The following GMDS variants were observed in gnomAD, a reference collection of about 807,000 sequenced individuals.
The protein encoded by GMDS is GDP-mannose 4,6-dehydratase, also known as GDP-mannose 4,6 dehydratase.
Under a neutral mutation model 49.9 loss-of-function variants are expected in GMDS, and 20 were observed. That is an observed-to-expected ratio of 0.40 (90% CI 0.28 to 0.58). The LOEUF (loss-of-function observed/expected upper bound fraction) is 0.58, where lower values mean the gene tolerates loss of function less well. Ranked by LOEUF, GMDS falls within the 20% of genes least tolerant of loss-of-function variation. The pLI, the probability that GMDS is intolerant of heterozygous loss-of-function variation, is 0.42. For missense variants in GMDS, 362 were observed against 481.4 expected (o/e 0.75, Z 2.32); for synonymous variants, 177 against 178.6 (o/e 0.99, Z 0.07).
At chr6:2,195,603 C>T (rs937077054) in intron 1 of GMDS, among the ~76,000 whole-genome samples, 5 of 151,936 alleles carry the variant, frequency 3.3e-5, no homozygotes, top group African/African-American at 1.2e-4. Context: ...TAATTAAGTC[C>T]ATAAAAATTA....
intron 7 of GMDS, among the ~76,000 whole-genome samples, chr6:1,904,686 T>C (rs1451096978): frequency 6.6e-6 from 1 of 152,178 alleles, no homozygotes; most frequent in Non-Finnish European, 1.5e-5. Flanking sequence ...AGTACCTTCC[T>C]GTTGGCCAAG....
intron 4 of GMDS, among the ~76,000 whole-genome samples, chr6:2,026,490 T>C (rs1048272528): frequency 6.6e-6 from 1 of 152,256 alleles, no homozygotes; most frequent in African/African-American, 2.4e-5. Context: ...ACATCGTTTC[T>C]CTTAGCATGA....
At chr6:1,919,958 A>G (rs762582346) in intron 7 of GMDS, among the ~76,000 whole-genome samples, 3 of 152,228 alleles carry the variant, frequency 2.0e-5, no homozygotes, top group Non-Finnish European at 4.4e-5. Context: ...GAAAACTGAA[A>G]TAACAGATAC....
chr6:1,742,124 G>A (rs2113489771), intron 8 of GMDS, among the ~76,000 whole-genome samples: 1 of 152,038 alleles, frequency 6.6e-6, no homozygotes, highest in East Asian at 2.0e-4. Flanking sequence ...GTTTCACCAT[G>A]TTGGTCAGGC....
chr6:1,905,247 G>C (rs1033602238), intron 7 of GMDS, among the ~76,000 whole-genome samples: 1 of 152,254 alleles, frequency 6.6e-6, no homozygotes, highest in African/African-American at 2.4e-5. Flanking sequence ...GGCACTGGCC[G>C]GTGTCATTAG....
At chr6:1,828,346 A>C (rs1405819208) in intron 7 of GMDS, among the ~76,000 whole-genome samples, 4 of 152,308 alleles carry the variant, frequency 2.6e-5, no homozygotes, top group South Asian at 2.1e-4. Context: ...GTCACAGAAG[A>C]AGCAGAGAGA....
At chr6:2,145,538 A>AAAATAAATAAATAAATAAATAAAT (rs36139025) in intron 1 of GMDS, among the ~76,000 whole-genome samples, 39 of 148,466 alleles carry the variant, frequency 2.6e-4, no homozygotes, top group Middle Eastern at 3.4e-3. Flanking sequence ...ACTCTGTCTC[A>AAAATAAATAAATAAATAAATAAAT]AAATAAATAA....
intron 7 of GMDS, among the ~76,000 whole-genome samples, chr6:1,759,525 T>C (rs912817761): frequency 5.3e-5 from 8 of 152,192 alleles, no homozygotes; most frequent in African/African-American, 1.9e-4. Flanking sequence ...CAAATAGCTG[T>C]GTGGACTTTT....
rs1167305982 is a variant in GMDS at position 2,002,151 on chromosome 6, A to T, written c.346-41185T>A. Among the ~76,000 whole-genome samples the T allele has an allele frequency of 7.9e-5, 12 of 152,348 alleles. No homozygotes were observed. In the East Asian group the frequency reaches 2.3e-3, roughly 29 times the overall value. The stretch of plus-strand genomic sequence containing the variant: ...TGGATTTATATAAAGTTCTGGAATC[A>T]CATTTCCTTTGTTCCACCATCTTCT... On this transcript the variant is annotated intron_variant, in intron 4 of 10. Transcript: ENST00000380815.
intron 9 of GMDS, among the ~76,000 whole-genome samples, chr6:1,668,742 A>T (rs1170783343): frequency 6.6e-6 from 1 of 152,206 alleles, no homozygotes; most frequent in Admixed American, 6.5e-5. Flanking sequence ...AACCACTGGG[A>T]ATAAAAAGGA....
intron 4 of GMDS, among the ~76,000 whole-genome samples, chr6:2,074,930 T>C (rs1726608309): frequency 6.6e-6 from 1 of 152,186 alleles, no homozygotes; most frequent in South Asian, 2.1e-4. Context: ...GCTCTTGGTG[T>C]CTTTGTCAAA....
At chr6:2,108,874 T>C (rs1295102187) in intron 4 of GMDS, among the ~76,000 whole-genome samples, 1 of 152,208 alleles carries the variant, frequency 6.6e-6, no homozygotes, top group South Asian at 2.1e-4. Flanking sequence ...GTGCTTGAGC[T>C]GGCTCTGTGC....
intron 8 of GMDS, among the ~76,000 whole-genome samples, chr6:1,738,576 G>A (rs374049216): frequency 7.1e-4 from 108 of 152,340 alleles, no homozygotes; most frequent in African/African-American, 2.3e-3. Context: ...TAGCAAAAGT[G>A]AGAATGTTCC....
intron 1 of GMDS, among the ~76,000 whole-genome samples, chr6:2,163,768 G>A (rs1230310904): frequency 6.6e-6 from 1 of 152,188 alleles, no homozygotes; most frequent in African/African-American, 2.4e-5. Context: ...ACCACAGGCT[G>A]AGCGCTGCCA....
At chr6:1,780,588 C>T (rs1437544580) in intron 7 of GMDS, among the ~76,000 whole-genome samples, 1 of 152,212 alleles carries the variant, frequency 6.6e-6, no homozygotes, top group Non-Finnish European at 1.5e-5. Context: ...GCCTCTCTGC[C>T]TGCCTGAGGA....
intron 4 of GMDS, among the ~76,000 whole-genome samples, chr6:2,104,348 G>A (rs1052199816): frequency 6.6e-6 from 1 of 152,204 alleles, no homozygotes; most frequent in African/African-American, 2.4e-5. Context: ...GTTATCAATA[G>A]TAGCTTTCTT....
At chr6:1,841,035 T>C (rs1412692629) in intron 7 of GMDS, among the ~76,000 whole-genome samples, 1 of 152,208 alleles carries the variant, frequency 6.6e-6, no homozygotes, top group Non-Finnish European at 1.5e-5. Flanking sequence ...ACACACTGCA[T>C]AAACAGAATG....
chr6:2,203,199 TG>T (rs755441964), intron 1 of GMDS, among the ~76,000 whole-genome samples: 3 of 152,224 alleles, frequency 2.0e-5, no homozygotes, highest in East Asian at 1.9e-4. Context: ...ACTGGGGGGT[TG>T]GGGGGTAGTT....
chr6:1,798,350 T>C (rs1769819238), intron 7 of GMDS, among the ~76,000 whole-genome samples: 1 of 152,172 alleles, frequency 6.6e-6, no homozygotes, highest in Admixed American at 6.5e-5. Flanking sequence ...CACTGTGGTA[T>C]GATTTTCATA....
Sources: allele counts gnomAD v4.1 joint callset (sites outside exome capture counted in the v4.1 genomes callset), GRCh38; gene constraint gnomAD v4.1.1; transcripts MANE v1.5; gene names NCBI Gene and HGNC (gene_info 2026-07-23, HGNC 2026-07-21).